Variants in LRCH1 observed in about 807,000 individuals in gnomAD.
LRCH1 encodes leucine rich repeats and calponin homology domain containing 1, also known as leucine-rich repeat and calponin homology domain-containing protein 1.
In LRCH1, 23 loss-of-function variants were observed where a neutral mutation model predicts 94.9. The ratio of observed to expected loss-of-function variants is 0.24; its 90% CI spans 0.17 to 0.34. The LOEUF (loss-of-function observed/expected upper bound fraction) is 0.34, where lower values mean the gene tolerates loss of function less well. Ranked by LOEUF, LRCH1 falls within the 10% of genes least tolerant of loss-of-function variation. LRCH1 has a pLI of 1.00. For missense variants in LRCH1, 790 were observed against 945.9 expected, an observed-to-expected ratio of 0.84 and a Z score of 2.16; for synonymous variants, 364 against 354.9, an observed-to-expected ratio of 1.03 and a Z score of -0.29.
intron 17 of LRCH1, among the ~76,000 whole-genome samples, chr13:46,727,934 T>C (rs1872907797): frequency 6.6e-6 from 1 of 151,842 alleles, no homozygotes. Context: ...TTTTTTTTTT[T>C]GAGATGGGAT....
chr13:46,553,239 C>CCCCCATAAAA lies in LRCH1; in HGVS notation c.-155_-154insCATAAAACCC. On this transcript the variant is annotated 5_prime_UTR_variant, in exon 1 of 20. Coordinates refer to ENST00000389797, the MANE Select transcript of LRCH1 (RefSeq NM_001164211.2). ...TGCCACGGCCGCCTCCCCGCCCGCC[C>CCCCCATAAAA]CCCATTCTACGCGCCTGCCCACACC... 1.8e-6 allele frequency: 1 copy of CCCCCATAAAA among 568,230 alleles called. No individual in the cohort carries two copies. The highest frequency in any genetic ancestry group is 3.1e-6 in the Non-Finnish European group (1 of 323,924). 35.2% of individuals were successfully genotyped at this position (568,230 alleles called of 1,614,324 possible). A position where few individuals can be genotyped will look rare whatever the true frequency, so the allele number is the denominator to read the frequency against.
At chr13:46,635,494 G>A (rs569812986) in intron 1 of LRCH1, among the ~76,000 whole-genome samples, 151 of 112,992 alleles carry the variant, frequency 1.3e-3, no homozygotes, top group African/African-American at 4.5e-3. Flanking sequence ...TTTTTGAGAC[G>A]GAGTCTCGCT....
chr13:46,747,205 T>C (rs1372845132), downstream of LRCH1, among the ~76,000 whole-genome samples: 1 of 151,856 alleles, frequency 6.6e-6, no homozygotes, highest in Non-Finnish European at 1.5e-5. Context: ...GCTTGGAATG[T>C]GGAGACCAGG....
downstream of LRCH1, among the ~76,000 whole-genome samples, chr13:46,747,507 G>C (rs1239613729): frequency 1.3e-5 from 2 of 152,220 alleles, no homozygotes; most frequent in Non-Finnish European, 2.9e-5. Flanking sequence ...CATATAAGCT[G>C]TGTCGTTCAC....
intron 3 of LRCH1, among the ~76,000 whole-genome samples, chr13:46,677,710 AAAGT>A (rs2051697097): frequency 6.6e-6 from 1 of 152,222 alleles, no homozygotes; most frequent in African/African-American, 2.4e-5. Flanking sequence ...TGACCAGTGG[AAAGT>A]AAGTATGTGT....
intron 18 of LRCH1, among the ~76,000 whole-genome samples, chr13:46,733,359 T>C (rs1258020115): frequency 1.3e-5 from 2 of 152,180 alleles, no homozygotes; most frequent in Non-Finnish European, 2.9e-5. Flanking sequence ...CTGTTTACCA[T>C]GATATTGCCT....
At chr13:46,558,837 C>T (rs1033841338) in intron 1 of LRCH1, among the ~76,000 whole-genome samples, 3 of 152,196 alleles carry the variant, frequency 2.0e-5, no homozygotes, top group African/African-American at 7.2e-5. Flanking sequence ...TTCTACCCAA[C>T]TCCTGCCTTA....
chr13:46,711,059 G>A (rs1410518182), intron 13 of LRCH1, among the ~76,000 whole-genome samples: 1 of 152,020 alleles, frequency 6.6e-6, no homozygotes, highest in Non-Finnish European at 1.5e-5. Context: ...CATGCCTCAG[G>A]TTCCCCTCTG....
chr13:46,595,365 C>G (rs1428342668), intron 1 of LRCH1, among the ~76,000 whole-genome samples: 1 of 152,198 alleles, frequency 6.6e-6, no homozygotes, highest in Non-Finnish European at 1.5e-5. Context: ...TGTGGCAGAC[C>G]TGCTCTGCAT....
intron 13 of LRCH1, among the ~76,000 whole-genome samples, chr13:46,706,083 A>G (rs1871745474): frequency 6.6e-6 from 1 of 152,252 alleles, no homozygotes; most frequent in Non-Finnish European, 1.5e-5. Context: ...CACGCTCTTA[A>G]CTTTGTCTCT....
At chr13:46,572,010 AC>A in intron 1 of LRCH1, among the ~76,000 whole-genome samples, 1 of 152,104 alleles carries the variant, frequency 6.6e-6, no homozygotes, top group South Asian at 2.1e-4. Flanking sequence ...GGGTCTTCTC[AC>A]TGCTCCCAAT....
intron 1 of LRCH1, among the ~76,000 whole-genome samples, chr13:46,610,461 C>T (rs2050735552): frequency 6.7e-6 from 1 of 150,058 alleles, no homozygotes; most frequent in African/African-American, 2.4e-5. Flanking sequence ...CCCAAATCTT[C>T]CTCCTGAAAG....
chr13:46,576,278 C>T (rs2050303459), intron 1 of LRCH1, among the ~76,000 whole-genome samples: 1 of 152,160 alleles, frequency 6.6e-6, no homozygotes, highest in African/African-American at 2.4e-5. Flanking sequence ...TACTAATGCT[C>T]CCTTTAGGCA....
At chr13:46,614,477 T>A (rs2050783193) in intron 1 of LRCH1, among the ~76,000 whole-genome samples, 1 of 152,150 alleles carries the variant, frequency 6.6e-6, no homozygotes, top group African/African-American at 2.4e-5. Flanking sequence ...TAAAGAAATG[T>A]CAGATTCATA....
At chr13:46,632,425 C>T (rs527421459) in intron 1 of LRCH1, among the ~76,000 whole-genome samples, 15 of 152,058 alleles carry the variant, frequency 9.9e-5, no homozygotes, top group East Asian at 1.9e-4. Context: ...GTGGAGACCT[C>T]GAGAATTCTC....
At chr13:46,561,186 T>C (rs962689853) in intron 1 of LRCH1, among the ~76,000 whole-genome samples, 4 of 152,260 alleles carry the variant, frequency 2.6e-5, no homozygotes, top group Non-Finnish European at 5.9e-5. Flanking sequence ...TCTGTTAATA[T>C]GATGCTGGTG....
At chr13:46,737,571 G>C (rs373857546) in intron 19 of LRCH1, among the ~76,000 whole-genome samples, 45 of 152,314 alleles carry the variant, frequency 3.0e-4, no homozygotes, top group African/African-American at 1.1e-3. Flanking sequence ...AGACTTTGTA[G>C]CTGTCTTCGA....
In LRCH1 at chr13:46,569,674, C is replaced by A. The variant is rs148430486; in HGVS notation, c.307+15971C>A. Among the ~76,000 whole-genome samples, 461 of 152,208 alleles carry A rather than the reference C, an allele frequency of 3.0e-3. 5 individuals carry two copies. Among genetic ancestry groups the A allele is most frequent in the African/African-American group, 0.01 (425 of 41,524 alleles). Reference sequence around the variant, plus strand: ...GATCCACAGGGCCTCTGGTATCTGGCGCCAACCCGCTTATCCTGCTGGGTT... The same window carrying A: ...GATCCACAGGGCCTCTGGTATCTGGAGCCAACCCGCTTATCCTGCTGGGTT... On this transcript the variant is annotated intron_variant, in intron 1 of 19. Transcript: ENST00000389797.
chr13:46,662,851 C>G (rs1184155949), intron 2 of LRCH1, among the ~76,000 whole-genome samples: 4 of 152,204 alleles, frequency 2.6e-5, no homozygotes, highest in African/African-American at 9.6e-5. Context: ...ATGACTGTTG[C>G]AGAAATTTGC....
Sources: allele counts gnomAD v4.1 joint callset (sites outside exome capture counted in the v4.1 genomes callset), GRCh38; gene constraint gnomAD v4.1.1; transcripts MANE v1.5; gene names NCBI Gene and HGNC (gene_info 2026-07-23, HGNC 2026-07-21).